The following MROH2A variants were observed in gnomAD, a reference collection of about 807,000 sequenced individuals.
The protein encoded by MROH2A is maestro heat-like repeat-containing protein family member 2A.
A neutral mutation model predicts 200.4 loss-of-function variants in MROH2A; 174 were observed. That is an observed-to-expected ratio of 0.87 (90% CI 0.77 to 0.98). The LOEUF (loss-of-function observed/expected upper bound fraction) is 0.98, where lower values mean the gene tolerates loss of function less well. MROH2A is among the 50% of genes least tolerant of loss of function. The pLI is 0.00. For synonymous variants in MROH2A, 829 were observed against 840.4 expected (o/e 0.99, Z 0.23); for missense variants, 2,045 against 2,139.6 (o/e 0.96, Z 0.87).
chr2:233,811,232 C>A (rs1041306318), intron 23 of MROH2A, among the ~76,000 whole-genome samples: 10 of 152,244 alleles, frequency 6.6e-5, no homozygotes, highest in African/African-American at 2.4e-4. Context: ...GCTTCCCTGT[C>A]TCTCCGTGGG....
rs1426302684 is a variant in MROH2A at position 233,796,213 on chromosome 2, C to T, written c.1152C>T (p.Pro384=). ...TCCACCCTGCAGCTCGCTCCTACCC[C>T]AAGGAGCTGATGAAGTTCTTCTTCA... ...HCFVALARSY[P]KELMKFFFSQ... The change falls in exon 11 of 42, where the codon CCC becomes CCT. Residue 384 remains proline, a synonymous_variant. Coordinates refer to ENST00000389758, the MANE Select transcript of MROH2A (RefSeq NM_001394639.1). 6.5e-7 allele frequency: 1 copy of T among 1,549,844 alleles called. No individual in the cohort carries two copies. Among genetic ancestry groups the T allele is most frequent in the African/African-American group, 1.4e-5 (1 of 72,978 alleles).
At chr2:233,823,685 G>A (rs1485815733) in intron 35 of MROH2A, 21 bp downstream of exon 35, 7 of 1,546,272 alleles carry the variant, frequency 4.5e-6, no homozygotes, top group South Asian at 3.6e-5. Context: ...GGCACCGGGT[G>A]TGGGCGGGGT....
chr2:233,820,109 C>T lies in MROH2A; in HGVS notation c.3512+53C>T. ...GCCTCCTGTGCCATTTGACCATGCC[C>T]AACTCACCACCCCGATGTGTCCCAG... is the stretch of plus-strand genomic sequence containing the variant. On this transcript the variant is annotated intron_variant, in intron 31 of 41. Coordinates refer to ENST00000389758, the MANE Select transcript of MROH2A (RefSeq NM_001394639.1). This position sits in a 1 kb window ranked among gnomAD's most constrained non-coding sequence, Gnocchi z 4.1. 1 of 1,429,072 alleles carries T rather than the reference C, an allele frequency of 7.0e-7. No individual in the cohort carries two copies. Among genetic ancestry groups the T allele is most frequent in the Non-Finnish European group, 9.3e-7 (1 of 1,071,668 alleles). 88.5% of individuals were successfully genotyped at this position (1,429,072 alleles called of 1,614,324 possible).
At chr2:233,806,821 T>G (rs1290266404) in intron 19 of MROH2A, among the ~76,000 whole-genome samples, 2 of 152,038 alleles carry the variant, frequency 1.3e-5, no homozygotes, top group Non-Finnish European at 2.9e-5. Context: ...TTTCCATAGG[T>G]TTTTGGGGAA....
At chr2:233,795,864 A>G (rs1702072023) in intron 9 of MROH2A, 103 bp from the exon 10 acceptor site, 1 of 1,536,804 alleles carries the variant, frequency 6.5e-7, no homozygotes, top group South Asian at 1.2e-5. Flanking sequence ...CTGATGGGGT[A>G]TGAGGCTGTG....
At chr2:233,777,792 A>T (rs537882755), upstream of MROH2A, among the ~76,000 whole-genome samples, 1 of 152,186 alleles carries the variant, frequency 6.6e-6, no homozygotes, top group Non-Finnish European at 1.5e-5. Context: ...TCATTGTTGT[A>T]CCTATGATCT....
Position 233,816,905 on chromosome 2 carries a change from GC to G in MROH2A, c.2961+25del, listed in dbSNP as rs1280904246. On this transcript the variant is annotated intron_variant, in intron 27 of 41. Coordinates refer to ENST00000389758, the MANE Select transcript of MROH2A (RefSeq NM_001394639.1). ...GTCTGTGTGAGTCCAGGAGTCCCCAGCCCCCAGCCTGCTGCTCTGACATGCA... is the reference window on the plus strand; with the variant it reads ...GTCTGTGTGAGTCCAGGAGTCCCCAGCCCCAGCCTGCTGCTCTGACATGCA... 8 of 1,419,924 alleles carry G rather than the reference GC, an allele frequency of 5.6e-6. No homozygotes were observed. In the East Asian group the frequency reaches 1.5e-4, roughly 27 times the overall value. 88.0% of individuals were successfully genotyped at this position (1,419,924 alleles called of 1,614,324 possible). A position where few individuals can be genotyped will look rare whatever the true frequency, so the allele number is the denominator to read the frequency against.
chr2:233,817,705 G>A (rs117077496), intron 27 of MROH2A, among the ~76,000 whole-genome samples: 2 of 152,196 alleles, frequency 1.3e-5, no homozygotes, highest in Admixed American at 1.3e-4. Flanking sequence ...TGATCCCCAG[G>A]GTTCGTTACA....
In MROH2A at chr2:233,798,845, T is replaced by C; in HGVS notation, c.1324T>C (p.Ser442Pro). 1 of 1,549,702 alleles carries C rather than the reference T, an allele frequency of 6.5e-7. No individual in the cohort carries two copies. ...VVKNTISDTR[S>P]KVRMAILHII... is the part of the protein sequence containing the mutation. ...CAAGAACACCATCTCTGATACCCGG[T>C]CCAAGGTAACAGGGCAGAGACCTGG... is the stretch of plus-strand genomic sequence containing the variant. The change falls in exon 12 of 42, where the codon TCC becomes CCC. Residue 442 changes from serine (S) to proline (P), a missense_variant. By Grantham distance (74) the Ser-to-Pro change is moderately conservative. Coordinates refer to ENST00000389758, the MANE Select transcript of MROH2A (RefSeq NM_001394639.1).
At position 233,803,474 on chromosome 2, in the gene MROH2A, C is replaced by T. The variant is rs78977254; in HGVS notation, c.1735C>T (p.Leu579=). The change falls in exon 16 of 42, where the codon CTG becomes TTG. Residue 579 remains leucine, a synonymous_variant. Coordinates refer to ENST00000389758, the MANE Select transcript of MROH2A (RefSeq NM_001394639.1). ...GGACCTGCCTGCACCTCAGAAGCTG[C>T]TGGCCCGTCTCCTGGTGAGTGGCTG... is the stretch of plus-strand genomic sequence containing the variant. ...QVDLPAPQKL[L]ARLLVLMSSP... 2.0e-4 allele frequency: 307 copies of T among 1,550,518 alleles called. 3 individuals are homozygous for T. In the East Asian group the frequency reaches 7.4e-3, roughly 38 times the overall value.
rs1029791936 is a variant in MROH2A, at chr2:233,793,693, A to C, written c.691A>C (p.Thr231Pro). ...ICSAMETFCE[T>P]VQFYLKHLEE... ...GGTAGCCATGGAGACCTTCTGTGAG[A>C]CGGTGCAGTTTTATCTGAAGCACCT... The change falls in exon 7 of 42, where the codon ACG (threonine) becomes CCG (proline). Residue 231 changes from threonine to proline, a missense_variant. Thr to Pro is a conservative substitution (Grantham distance 38). Transcript: ENST00000389758. 5 of 1,433,338 alleles carry C rather than the reference A, an allele frequency of 3.5e-6. No homozygotes were observed. Among genetic ancestry groups the C allele is most frequent in the Non-Finnish European group, 4.6e-6 (5 of 1,088,718 alleles). 88.8% of individuals were successfully genotyped at this position (1,433,338 alleles called of 1,614,324 possible). A position where few individuals can be genotyped will look rare whatever the true frequency, so the allele number is the denominator to read the frequency against.
rs374262824 is a variant in MROH2A, at chr2:233,804,553, C to A, written c.1944+6C>A. On this transcript the variant is annotated splice_donor_region_variant and intron_variant, in intron 18 of 41. Coordinates refer to ENST00000389758, the MANE Select transcript of MROH2A (RefSeq NM_001394639.1). ...GGGAAGACAAGCTGATTCAGGTAAA[C>A]GGGTAACAAGTTTGCTGAGGCCTGG... 1.3e-6 allele frequency: 2 copies of A among 1,551,152 alleles called. No individual in the cohort carries two copies. Among genetic ancestry groups the A allele is most frequent in the South Asian group, 2.4e-5 (2 of 84,046 alleles).
At chr2:233,830,237 GAC>G (rs1420021154) in intron 38 of MROH2A, among the ~76,000 whole-genome samples, 1 of 152,206 alleles carries the variant, frequency 6.6e-6, no homozygotes, top group Non-Finnish European at 1.5e-5. Flanking sequence ...GAGAGGGAGA[GAC>G]AGATTTGTTA....
At chr2:233,794,196 G>A (rs764189867) in intron 7 of MROH2A, among the ~76,000 whole-genome samples, 167 bp from the exon 8 acceptor site, 29 of 152,220 alleles carry the variant, frequency 1.9e-4, no homozygotes, top group African/African-American at 7.0e-4. Context: ...TCATGTGGCT[G>A]CTAAGTGGGA....
rs1233896226 is a variant in MROH2A, at chr2:233,793,746, T to C, written c.744T>C (p.Thr248=). 4 of 1,498,960 alleles carry C rather than the reference T, an allele frequency of 2.7e-6. No homozygotes were observed. The highest frequency in any genetic ancestry group is 1.4e-5 in the African/African-American group (1 of 70,300). 92.9% of individuals were successfully genotyped at this position (1,498,960 alleles called of 1,614,324 possible). A position where few individuals can be genotyped will look rare whatever the true frequency, so the allele number is the denominator to read the frequency against. Residue 248 remains threonine, a synonymous_variant, in exon 7 of 42, where the codon ACT becomes ACC. Transcript: ENST00000389758. Reference sequence around the variant, plus strand: ...AGGAGAGCGTGTACCCCGTGATGACTGAGGAGGAGTTTGCCCTGAAGGTGT... The same window carrying C: ...AGGAGAGCGTGTACCCCGTGATGACCGAGGAGGAGTTTGCCCTGAAGGTGT... The part of the protein sequence containing the change: ...HLEESVYPVM[T]EEEFALKVFP...
chr2:233,821,851 C>G (rs548306226), intron 31 of MROH2A, among the ~76,000 whole-genome samples: 290 of 152,206 alleles, frequency 1.9e-3, no homozygotes, highest in African/African-American at 6.7e-3. Context: ...AGGTGGGGGT[C>G]TCTGTGGTCA....
upstream of MROH2A, among the ~76,000 whole-genome samples, chr2:233,777,713 C>G (rs1478820964): frequency 6.6e-6 from 1 of 152,154 alleles, no homozygotes; most frequent in Admixed American, 6.5e-5. Flanking sequence ...CAACCTTGGC[C>G]CTAGATGTCT....
At position 233,818,831 on chromosome 2, in the gene MROH2A, C is replaced by T. The variant is rs1212038086; in HGVS notation, c.3204+61C>T. The stretch of plus-strand genomic sequence containing the variant: ...GGTCTCAGGGCCCTTGGCCGTCTCT[C>T]AGGGAGGGAGGCCTTCCTGGGCTGG... On this transcript the variant is annotated intron_variant, in intron 29 of 41. Coordinates refer to ENST00000389758, the MANE Select transcript of MROH2A (RefSeq NM_001394639.1). The T allele has an allele frequency of 1.5e-5, 17 of 1,145,586 alleles. No individual in the cohort carries two copies. The East Asian group carries it at 3.4e-4, about 23-fold the overall frequency. 71.0% of individuals were successfully genotyped at this position (1,145,586 alleles called of 1,614,324 possible).
intron 7 of MROH2A, 144 bp downstream of exon 7, chr2:233,793,968 C>T (rs1020995711): frequency 1.0e-4 from 83 of 822,090 alleles, no homozygotes; most frequent in Non-Finnish European, 1.2e-4. Context: ...ATGGCAGAGC[C>T]GGGGAACTCA....
Sources: allele counts gnomAD v4.1 joint callset (sites outside exome capture counted in the v4.1 genomes callset), GRCh38; gene constraint gnomAD v4.1.1; non-coding constraint Gnocchi (gnomAD v3.1); transcripts MANE v1.5; gene names NCBI Gene and HGNC (gene_info 2026-07-23, HGNC 2026-07-21).